REXO5: variants seen among roughly 807,000 people sequenced by gnomAD.
REXO5 encodes RNA exonuclease 5.
A neutral mutation model predicts 88.5 loss-of-function variants in REXO5; 48 were observed. That is an observed-to-expected ratio of 0.54 (90% CI 0.43 to 0.69). REXO5 has a LOEUF of 0.69. Ranked by LOEUF, REXO5 falls within the 30% of genes least tolerant of loss-of-function variation. REXO5 has a pLI of 0.00. For synonymous variants in REXO5, 311 were observed against 336.5 expected (o/e 0.92, Z 0.83); for missense variants, 749 against 912.2 (o/e 0.82, Z 2.30).
chr16:20,816,336 T>C, intron 5 of REXO5, 124 bp downstream of exon 5: 1 of 765,410 alleles, frequency 1.3e-6, no homozygotes, highest in East Asian at 2.8e-5. Context: ...TTTTTTTTTT[T>C]TTTGAAACGG....
At chr16:20,819,020 G>A (rs2152502370) in intron 5 of REXO5, among the ~76,000 whole-genome samples, 1 of 152,258 alleles carries the variant, frequency 6.6e-6, no homozygotes, top group Non-Finnish European at 1.5e-5. Context: ...TGAGAACATG[G>A]TGTTGTTTGG....
intron 2 of REXO5, among the ~76,000 whole-genome samples, chr16:20,807,608 A>C (rs1271949724): frequency 6.9e-6 from 1 of 143,892 alleles, no homozygotes; most frequent in Non-Finnish European, 1.5e-5. Context: ...AAAAAAAAAA[A>C]CTGGGATGGT....
chr16:20,807,606 A>G (rs1179992717), intron 2 of REXO5, among the ~76,000 whole-genome samples: 1 of 145,350 alleles, frequency 6.9e-6, no homozygotes, highest in East Asian at 2.1e-4. Context: ...AAAAAAAAAA[A>G]AACTGGGATG....
At position 20,840,026 on chromosome 16, in the gene REXO5, A is replaced by G. The variant is rs2081501735; in HGVS notation, c.1488+167A>G. On this transcript the variant is annotated intron_variant, in intron 14 of 19. Transcript: ENST00000261377. ...TTTTTATGAAAATGGGAATCAGACT[A>G]TGCATACTGTTTTGCAACTTTATTT... is the stretch of plus-strand genomic sequence containing the variant. The G allele has an allele frequency of 8.6e-6, 5 of 580,588 alleles. 1 individual carries two copies. Among genetic ancestry groups the G allele is most frequent in the African/African-American group, 1.9e-5 (1 of 53,838 alleles). 36.0% of individuals were successfully genotyped at this position (580,588 alleles called of 1,614,324 possible). A position where few individuals can be genotyped will look rare whatever the true frequency, so the allele number is the denominator to read the frequency against.
intron 6 of REXO5, 39 bp downstream of exon 6, chr16:20,821,941 G>A: frequency 6.7e-7 from 1 of 1,501,534 alleles, no homozygotes; most frequent in Non-Finnish European, 8.9e-7. Context: ...AACAATGTAA[G>A]AATATCTAAC....
In REXO5 at chr16:20,827,405, G is replaced by T. The variant is rs1259740926; in HGVS notation, c.1013G>T (p.Gly338Val). 2 of 1,613,400 alleles carry T rather than the reference G, an allele frequency of 1.2e-6. No homozygotes were observed. Among genetic ancestry groups the T allele is most frequent in the Admixed American group, 3.3e-5 (2 of 59,968 alleles). ...DTSLLYVREQ[G>V]RRFKLKFLAK... Reference sequence around the variant, plus strand: ...TCGTTGCTTTATGTCAGAGAGCAGGGCAGAAGATTTAAGCTCAAGTTCTTA... The same window carrying T: ...TCGTTGCTTTATGTCAGAGAGCAGGTCAGAAGATTTAAGCTCAAGTTCTTA... The change falls in exon 10 of 20, where the codon GGC (glycine) becomes GTC (valine). Residue 338 changes from glycine (G) to valine (V), a missense_variant. Coordinates refer to ENST00000261377, the MANE Select transcript of REXO5 (RefSeq NM_030941.3).
At chr16:20,821,943 A>C in intron 6 of REXO5, 41 bp downstream of exon 6, 1 of 1,493,074 alleles carries the variant, frequency 6.7e-7, no homozygotes, top group Non-Finnish European at 8.9e-7. Flanking sequence ...CAATGTAAGA[A>C]TATCTAACAG....
chr16:20,819,704 G>A (rs184352724), intron 5 of REXO5, among the ~76,000 whole-genome samples: 4 of 150,470 alleles, frequency 2.7e-5, no homozygotes, highest in East Asian at 3.9e-4. Flanking sequence ...ACAGTGAGCC[G>A]AGATCGCGCC....
At chr16:20,815,372 G>A (rs970644252) in intron 4 of REXO5, among the ~76,000 whole-genome samples, 21 of 152,082 alleles carry the variant, frequency 1.4e-4, no homozygotes, top group African/African-American at 4.3e-4. Context: ...TCGCAAGATT[G>A]GGCACCCTTA....
At chr16:20,842,922 G>A (rs2081552473) in intron 15 of REXO5, among the ~76,000 whole-genome samples, 1 of 152,170 alleles carries the variant, frequency 6.6e-6, no homozygotes, top group Non-Finnish European at 1.5e-5. Context: ...CCATTATACT[G>A]TTTTCCACAG....
rs1472659567 is a variant in REXO5 at position 20,849,528 on chromosome 16, A to G, written c.*48A>G. ...TGCCATTTCTTACCCCTTGTAGGCA[A>G]TGGCAAAGAATGTGGTCAGGCTGTA... On this transcript the variant is annotated 3_prime_UTR_variant, in exon 20 of 20. Coordinates refer to ENST00000261377, the MANE Select transcript of REXO5 (RefSeq NM_030941.3). The G allele has an allele frequency of 2.0e-6, 3 of 1,538,150 alleles. No individual in the cohort carries two copies. Among genetic ancestry groups the G allele is most frequent in the East Asian group, 2.2e-5 (1 of 44,546 alleles).
rs142000603 is a variant in REXO5 at position 20,845,219 on chromosome 16, C to T, written c.2102C>T (p.Pro701Leu). The T allele has an allele frequency of 2.0e-5, 32 of 1,612,998 alleles. No homozygotes were observed. The highest frequency in any genetic ancestry group is 6.7e-5 in the African/African-American group (5 of 74,898). ...RLPGLRVVPP[P>L]FEQEALQTLK... ...CCAGGGCTTCGTGTTGTACCTCCCC[C>T]CTTTGAACAGGAGGCCTTGCAGGTG... Residue 701 changes from proline (P) to leucine (L), a missense_variant, in exon 18 of 20, where the codon CCC (proline) becomes CTC (leucine). Physicochemically the swap from Pro to Leu is moderately conservative, Grantham distance 98. Transcript: ENST00000261377.
chr16:20,817,039 A>G (rs981468222), intron 5 of REXO5, among the ~76,000 whole-genome samples: 1 of 152,246 alleles, frequency 6.6e-6, no homozygotes, highest in African/African-American at 2.4e-5. Flanking sequence ...GTGATAGAGT[A>G]GTATAGGACT....
chr16:20,848,606 A>C (rs946733055), intron 19 of REXO5, among the ~76,000 whole-genome samples: 1 of 152,202 alleles, frequency 6.6e-6, no homozygotes, highest in African/African-American at 2.4e-5. Flanking sequence ...AAGTTCATAC[A>C]TCAGGTGGAG....
At chr16:20,832,526 C>T (rs946463697) in intron 12 of REXO5, among the ~76,000 whole-genome samples, 14 of 149,454 alleles carry the variant, frequency 9.4e-5, no homozygotes, top group African/African-American at 2.5e-4. Context: ...AATTGGAATA[C>T]GTTGAACCTA....
At chr16:20,807,780 G>A (rs989517211) in intron 2 of REXO5, among the ~76,000 whole-genome samples, 90 of 151,300 alleles carry the variant, frequency 5.9e-4, no homozygotes, top group Non-Finnish European at 1.5e-4. Context: ...AAAACTGCCT[G>A]TACATAATAG....
In REXO5 at chr16:20,826,004, A is replaced by G. The variant is rs2081255441; in HGVS notation, c.821+56A>G. On this transcript the variant is annotated intron_variant, in intron 8 of 19. Coordinates refer to ENST00000261377, the MANE Select transcript of REXO5 (RefSeq NM_030941.3). The stretch of plus-strand genomic sequence containing the variant: ...AGAGCTATCGGGCTAGAATGGAATA[A>G]TACTTAAGAATGGCCCACAGCTTCA... 3.6e-6 allele frequency: 4 copies of G among 1,108,704 alleles called. No homozygotes were observed. The South Asian group carries it at 5.4e-5, about 15-fold the overall frequency. 68.7% of individuals were successfully genotyped at this position (1,108,704 alleles called of 1,614,324 possible).
chr16:20,828,619 T>C (rs542913162), intron 11 of REXO5, 82 bp downstream of exon 11: 10 of 965,546 alleles, frequency 1.0e-5, no homozygotes, highest in Admixed American at 9.0e-5. Flanking sequence ...CAACTCCTAT[T>C]ATCTATTTTT....
chr16:20,847,670 A>C (rs1437427706), intron 19 of REXO5, among the ~76,000 whole-genome samples: 1 of 152,150 alleles, frequency 6.6e-6, no homozygotes, highest in Non-Finnish European at 1.5e-5. Context: ...AAAATCTTAG[A>C]CCAACATACT....
Sources: gnomAD v4.1 joint callset for allele counts (sites outside exome capture counted in the v4.1 genomes callset) on GRCh38, gnomAD v4.1.1 for gene constraint, MANE v1.5 for transcripts, NCBI Gene and HGNC (gene_info 2026-07-23, HGNC 2026-07-21) for gene names.